Variants in ACAP2 observed in about 807,000 individuals in gnomAD.
ACAP2 encodes the protein ArfGAP with coiled-coil, ankyrin repeat and PH domains 2, also known as arf-GAP with coiled-coil, ANK repeat and PH domain-containing protein 2.
A neutral mutation model predicts 115.8 loss-of-function variants in ACAP2; 39 were observed. That is an observed-to-expected ratio of 0.34 (90% CI 0.26 to 0.44). The LOEUF is 0.44. ACAP2 is among the 20% of genes least tolerant of loss of function. ACAP2 has a pLI of 1.00. For synonymous variants in ACAP2, 289 were observed against 315.8 expected, an observed-to-expected ratio of 0.92 and a Z score of 0.90; for missense variants, 662 against 927.6, an observed-to-expected ratio of 0.71 and a Z score of 3.72.
intron 10 of ACAP2, among the ~76,000 whole-genome samples, chr3:195,311,860 A>C (rs1291917510): frequency 6.6e-6 from 1 of 152,116 alleles, no homozygotes; most frequent in Non-Finnish European, 1.5e-5. Flanking sequence ...AAATAGAAAA[A>C]TTTCTTGCTT....
chr3:195,433,435 C>A (rs991489632), intron 1 of ACAP2, among the ~76,000 whole-genome samples: 1 of 152,072 alleles, frequency 6.6e-6, no homozygotes, highest in Non-Finnish European at 1.5e-5. Context: ...TATATGGATG[C>A]CTTTAATTTC....
intron 11 of ACAP2, among the ~76,000 whole-genome samples, chr3:195,308,091 C>T (rs1365174421): frequency 6.6e-6 from 1 of 152,072 alleles, no homozygotes; most frequent in African/African-American, 2.4e-5. Flanking sequence ...ATAAAACTTC[C>T]TCATCCTTAA....
chr3:195,380,960 T>C (rs145857797), intron 4 of ACAP2, 49 bp downstream of exon 4: 32 of 1,487,842 alleles, frequency 2.2e-5, no homozygotes, highest in Non-Finnish European at 2.9e-5. Context: ...TCAAGAAAAA[T>C]ACTAAAATGT....
At chr3:195,294,675 C>G (rs750757672) in intron 18 of ACAP2, 44 bp downstream of exon 18, 1 of 1,072,524 alleles carries the variant, frequency 9.3e-7, no homozygotes, top group Non-Finnish European at 1.3e-6. Context: ...CATGCACTTT[C>G]CAGCAAACAA....
intron 20 of ACAP2, among the ~76,000 whole-genome samples, chr3:195,290,050 A>T (rs1354721402): frequency 6.6e-6 from 1 of 152,176 alleles, no homozygotes; most frequent in Non-Finnish European, 1.5e-5. Context: ...GAGTCTATGA[A>T]ATAAAATGGA....
chr3:195,282,985 G>T (rs141073624), intron 22 of ACAP2, among the ~76,000 whole-genome samples: 1 of 152,104 alleles, frequency 6.6e-6, no homozygotes, highest in Non-Finnish European at 1.5e-5. Flanking sequence ...ACCCACCCCA[G>T]GTCATCCTAT....
intron 1 of ACAP2, among the ~76,000 whole-genome samples, chr3:195,418,329 A>G (rs1014481018): frequency 2.0e-5 from 3 of 152,224 alleles, no homozygotes; most frequent in Non-Finnish European, 4.4e-5. Context: ...CTGCTTTTCA[A>G]TAATCCCAAT....
chr3:195,366,970 G>C (rs1384242299), intron 4 of ACAP2, among the ~76,000 whole-genome samples: 2 of 148,454 alleles, frequency 1.3e-5, no homozygotes, highest in African/African-American at 2.5e-5. Context: ...TGCTGCTGTG[G>C]TGTAAAAGTA....
chr3:195,324,208 A>G (rs1729627716), intron 9 of ACAP2, among the ~76,000 whole-genome samples: 2 of 152,218 alleles, frequency 1.3e-5, no homozygotes, highest in Non-Finnish European at 2.9e-5. Context: ...ATTAGTCACT[A>G]AAGAAGTCAC....
At chr3:195,355,493 A>T (rs922739976) in intron 4 of ACAP2, among the ~76,000 whole-genome samples, 1 of 152,206 alleles carries the variant, frequency 6.6e-6, no homozygotes, top group Non-Finnish European at 1.5e-5. Context: ...AGGTTCACTT[A>T]TATTTCTGGA....
chr3:195,335,615 T>C (rs1054990439), intron 7 of ACAP2, among the ~76,000 whole-genome samples: 2 of 152,194 alleles, frequency 1.3e-5, no homozygotes, highest in Non-Finnish European at 1.5e-5. Context: ...CTACAATTAA[T>C]ACACATTACT....
intron 10 of ACAP2, among the ~76,000 whole-genome samples, chr3:195,318,182 G>A (rs991585265): frequency 6.6e-6 from 1 of 152,190 alleles, no homozygotes; most frequent in Non-Finnish European, 1.5e-5. Context: ...ATGTAGAACT[G>A]TGAGTCAATT....
At chr3:195,334,630 A>G (rs941685566) in intron 7 of ACAP2, among the ~76,000 whole-genome samples, 1 of 152,212 alleles carries the variant, frequency 6.6e-6, no homozygotes, top group Admixed American at 6.5e-5. Context: ...TTGTATTAAC[A>G]AAACGCAAAA....
chr3:195,396,446 A>G (rs1028234729), intron 1 of ACAP2, among the ~76,000 whole-genome samples: 3 of 152,162 alleles, frequency 2.0e-5, no homozygotes, highest in African/African-American at 7.2e-5. Context: ...AATACATTAA[A>G]TGTGTAACAT....
chr3:195,342,796 C>T (rs1474291726), intron 5 of ACAP2, 142 bp from the exon 6 acceptor site: 1 of 534,444 alleles, frequency 1.9e-6, no homozygotes, highest in Non-Finnish European at 3.2e-6. Flanking sequence ...GAGATCGAGA[C>T]CATCCTGGCC....
At chr3:195,424,712 T>C (rs943365076) in intron 1 of ACAP2, among the ~76,000 whole-genome samples, 1 of 151,544 alleles carries the variant, frequency 6.6e-6, no homozygotes, top group Non-Finnish European at 1.5e-5. Context: ...GCCCAGGAGT[T>C]CAAGACCAGC....
intron 4 of ACAP2, among the ~76,000 whole-genome samples, chr3:195,346,812 T>C (rs1731216447): frequency 6.6e-6 from 1 of 152,164 alleles, no homozygotes; most frequent in Non-Finnish European, 1.5e-5. Flanking sequence ...TATGATACAT[T>C]CAAACAGCAA....
chr3:195,343,951 T>C (rs142532670), intron 5 of ACAP2, among the ~76,000 whole-genome samples: 63 of 152,358 alleles, frequency 4.1e-4, no homozygotes, highest in African/African-American at 1.5e-3. Flanking sequence ...TGGGTGCCTG[T>C]AATCCCAGTG....
intron 4 of ACAP2, among the ~76,000 whole-genome samples, chr3:195,368,760 T>C (rs973186326): frequency 2.0e-5 from 3 of 152,204 alleles, no homozygotes; most frequent in African/African-American, 7.2e-5. Context: ...ATTTCATTTA[T>C]AGTAACTCCT....
Sources: allele counts gnomAD v4.1 joint callset (sites outside exome capture counted in the v4.1 genomes callset), GRCh38; gene constraint gnomAD v4.1.1; transcripts MANE v1.5; gene names NCBI Gene and HGNC (gene_info 2026-07-23, HGNC 2026-07-21).